COL11A2: variants seen among roughly 807,000 people sequenced by gnomAD.
COL11A2 encodes collagen alpha-2(XI) chain.
In COL11A2, 116 loss-of-function variants were observed where a neutral mutation model predicts 273.4. The observed-to-expected ratio is 0.42, with a 90% CI of 0.36 to 0.49. COL11A2 has a LOEUF of 0.49. Among genes scored for constraint, COL11A2 ranks in the 20% least tolerant of loss-of-function variants. The pLI is 0.00. For synonymous variants in COL11A2, 782 were observed against 864.2 expected (o/e 0.90, Z 1.67); for missense variants, 1,866 against 2,309.0 (o/e 0.81, Z 3.93).
chr6:33,191,147 C>T (rs1400378898), intron 1 of COL11A2, among the ~76,000 whole-genome samples: 1 of 152,206 alleles, frequency 6.6e-6, no homozygotes. Flanking sequence ...TCCCTCTTCC[C>T]CCTAAGAAAG....
At position 33,163,879 on chromosome 6, in the gene COL11A2, C is replaced by G; in HGVS notation, c.5071-61G>C. 1 of 1,612,208 alleles carries G rather than the reference C, an allele frequency of 6.2e-7. No individual in the cohort carries two copies. Among genetic ancestry groups the G allele is most frequent in the South Asian group, 1.1e-5 (1 of 91,038 alleles). On this transcript the variant is annotated intron_variant, in intron 65 of 65. Coordinates refer to ENST00000341947, the MANE Select transcript of COL11A2 (RefSeq NM_080680.3). This position sits in a 1 kb window ranked among gnomAD's most constrained non-coding sequence, Gnocchi z 4.1. ...ATGGAGGCACCCCCCACCCTCTAAC[C>G]TCAGGCCCAGGCTCACCTCTCCTCT...
intron 54 of COL11A2, among the ~76,000 whole-genome samples, chr6:33,168,118 T>C (rs1291130890): frequency 1.3e-5 from 2 of 151,762 alleles, no homozygotes; most frequent in East Asian, 3.9e-4. Flanking sequence ...ACTAAAAAGG[T>C]TCACCCCTGG....
Position 33,173,301 on chromosome 6 carries a change from G to C in COL11A2, c.2736+47C>G. On this transcript the variant is annotated intron_variant, in intron 37 of 65. Coordinates refer to ENST00000341947, the MANE Select transcript of COL11A2 (RefSeq NM_080680.3). This position sits in a 1 kb window ranked among gnomAD's most constrained non-coding sequence, Gnocchi z 6.3. ...TTTCCAGACAGCTCTGGGGTTAAAGGGTCTGATGGAGCCCCCTGAGAATGG... is the reference window on the plus strand; with the variant it reads ...TTTCCAGACAGCTCTGGGGTTAAAGCGTCTGATGGAGCCCCCTGAGAATGG... The C allele has an allele frequency of 6.2e-7, 1 of 1,605,102 alleles. No homozygotes were observed. Among genetic ancestry groups the C allele is most frequent in the Non-Finnish European group, 8.5e-7 (1 of 1,175,850 alleles).
In COL11A2 at chr6:33,174,043, TC is replaced by T. The variant is rs764009462; in HGVS notation, c.2496del (p.Lys833SerfsTer151). 6.2e-7 allele frequency: 1 copy of T among 1,613,762 alleles called. No homozygotes were observed. Among genetic ancestry groups the T allele is most frequent in the Non-Finnish European group, 8.5e-7 (1 of 1,179,940 alleles). On this transcript the variant is annotated frameshift_variant, in exon 33 of 66. Transcript: ENST00000341947. LOFTEE classifies it high-confidence loss of function. ...SGEKGARGLS[G>X]KSGPRGERGP... Reference sequence around the variant, plus strand: ...CCCCGTTCTCCCCGAGGCCCTGACTTCCCCGACAGGCCCTGGTGGGAATGAA... The same window carrying T: ...CCCCGTTCTCCCCGAGGCCCTGACTTCCCGACAGGCCCTGGTGGGAATGAA...
At position 33,173,421 on chromosome 6, in the gene COL11A2, C is replaced by T. The variant is rs1190450177; in HGVS notation, c.2683-20G>A. ...GGGGCCCTGGAAGGGGTTCAGTTGT[C>T]AGGTGAACTCTCAGCTGGAAAGCAG... On this transcript the variant is annotated intron_variant, in intron 36 of 65. Coordinates refer to ENST00000341947, the MANE Select transcript of COL11A2 (RefSeq NM_080680.3). This position sits in a 1 kb window ranked among gnomAD's most constrained non-coding sequence, Gnocchi z 6.3. The T allele has an allele frequency of 1.2e-6, 2 of 1,613,162 alleles. No individual in the cohort carries two copies. Among genetic ancestry groups the T allele is most frequent in the South Asian group, 1.1e-5 (1 of 91,072 alleles).
At chr6:33,180,166 C>T (rs1771531265) in intron 12 of COL11A2, 92 bp downstream of exon 12, 1 of 1,267,422 alleles carries the variant, frequency 7.9e-7, no homozygotes, top group African/African-American at 1.5e-5. Flanking sequence ...AGAGACTCCT[C>T]CATATCTTTC....
chr6:33,191,130 C>A (rs999554888), intron 1 of COL11A2, among the ~76,000 whole-genome samples: 3 of 152,292 alleles, frequency 2.0e-5, no homozygotes, highest in Admixed American at 1.3e-4. Flanking sequence ...GCCTCCATGC[C>A]AGAGGATCCC....
At chr6:33,185,924 A>G in intron 5 of COL11A2, 146 bp from the exon 6 acceptor site, 1 of 386,500 alleles carries the variant, frequency 2.6e-6, no homozygotes, top group Non-Finnish European at 5.2e-6. Context: ...GTTGAAGATG[A>G]AAGGAGAGGT....
At position 33,171,770 on chromosome 6, in the gene COL11A2, C is replaced by A. The variant is rs61738289; in HGVS notation, c.3093G>T (p.Pro1031=). Residue 1031 remains proline (P), a synonymous_variant, in exon 42 of 66, where the codon CCG becomes CCT. Coordinates refer to ENST00000341947, the MANE Select transcript of COL11A2 (RefSeq NM_080680.3). ...GAAGSGGPIG[P]PGRPGPQGPP... ...GACCCTGCGGGCCTGGGCGCCCTGG[C>A]GGACCAATGGGTCCCCCTGATCCTG... 3 of 1,612,874 alleles carry A rather than the reference C, an allele frequency of 1.9e-6. No individual in the cohort carries two copies. Among genetic ancestry groups the A allele is most frequent in the Admixed American group, 3.3e-5 (2 of 60,014 alleles).
chr6:33,186,652 G>A lies in COL11A2; in HGVS notation c.773C>T (p.Pro258Leu). 1 of 1,614,100 alleles carries A rather than the reference G, an allele frequency of 6.2e-7. No individual in the cohort carries two copies. Among genetic ancestry groups the A allele is most frequent in the Non-Finnish European group, 8.5e-7 (1 of 1,180,010 alleles). Residue 258 changes from proline to leucine, a missense_variant, in exon 5 of 66, where the codon CCA becomes CTA. Pro to Leu is a moderately conservative substitution (Grantham distance 98). Coordinates refer to ENST00000341947, the MANE Select transcript of COL11A2 (RefSeq NM_080680.3). ...PQQQPSRLHR[P>L]QNQEPQSQPT... The stretch of plus-strand genomic sequence containing the variant: ...CTGGCTCTGGGGTTCCTGATTTTGT[G>A]GCCTGTGAAGTCTTGATGGTTGCTG...
rs1772066204 is a variant in COL11A2 at position 33,184,129 on chromosome 6, AG to A, written c.1119+15del. On this transcript the variant is annotated intron_variant, in intron 8 of 65. Transcript: ENST00000341947. ...CACTGGTAGTCAAGAATGAAAGAGA[AG>A]CTCCTTTCACTTACGGCTCCTGAGT... 1 of 1,366,572 alleles carries A rather than the reference AG, an allele frequency of 7.3e-7. No individual in the cohort carries two copies. Among genetic ancestry groups the A allele is most frequent in the African/African-American group, 1.5e-5 (1 of 67,748 alleles). 84.7% of individuals were successfully genotyped at this position (1,366,572 alleles called of 1,614,324 possible).
In COL11A2 at chr6:33,164,769, C is replaced by T; in HGVS notation, c.4863+83G>A. 1 of 1,244,684 alleles carries T rather than the reference C, an allele frequency of 8.0e-7. No homozygotes were observed. Among genetic ancestry groups the T allele is most frequent in the Non-Finnish European group, 1.1e-6 (1 of 874,972 alleles). 77.1% of individuals were successfully genotyped at this position (1,244,684 alleles called of 1,614,324 possible). ...TCCGGGGGGGGCAACAGCCAGGGGA[C>T]TGTCACCAAAACCCAGAAACCACTA... On this transcript the variant is annotated intron_variant, in intron 64 of 65. Coordinates refer to ENST00000341947, the MANE Select transcript of COL11A2 (RefSeq NM_080680.3). The surrounding 1 kb of genome is among the most constrained non-coding windows in gnomAD (Gnocchi z 4.7).
chr6:33,185,801 G>A (rs370651752), intron 5 of COL11A2, 23 bp from the exon 6 acceptor site: 1 of 931,850 alleles, frequency 1.1e-6, no homozygotes, highest in Non-Finnish European at 1.6e-6. Flanking sequence ...GGTGGGCATA[G>A]ACAGGAAGGG....
chr6:33,189,317 T>C lies in COL11A2; in HGVS notation c.232+3A>G, dbSNP rs777699755. On this transcript the variant is annotated splice_donor_region_variant and intron_variant, in intron 2 of 65. Transcript: ENST00000341947. This position sits in a 1 kb window ranked among gnomAD's most constrained non-coding sequence, Gnocchi z 5.6. ...CAGGCCTACCCCACCATGTCACCCA[T>C]ACCTGGGAAAAGCTGGCGAGTGGGT... The C allele has an allele frequency of 1.9e-6, 3 of 1,613,708 alleles. No individual in the cohort carries two copies. Among genetic ancestry groups the C allele is most frequent in the Non-Finnish European group, 2.5e-6 (3 of 1,180,000 alleles).
Position 33,170,777 on chromosome 6 carries a change from A to C in COL11A2, c.3474+33T>G. ...CAAAACATCACCCCATCCTGACCCCACCTCTCAGCCCCTGTCCTATCCCCC... is the reference window on the plus strand; with the variant it reads ...CAAAACATCACCCCATCCTGACCCCCCCTCTCAGCCCCTGTCCTATCCCCC... On this transcript the variant is annotated intron_variant, in intron 46 of 65. Coordinates refer to ENST00000341947, the MANE Select transcript of COL11A2 (RefSeq NM_080680.3). The surrounding 1 kb of genome is among the most constrained non-coding windows in gnomAD (Gnocchi z 4.3). 1 of 1,605,734 alleles carries C rather than the reference A, an allele frequency of 6.2e-7. No individual in the cohort carries two copies. Among genetic ancestry groups the C allele is most frequent in the East Asian group, 2.2e-5 (1 of 44,676 alleles).
intron 1 of COL11A2, among the ~76,000 whole-genome samples, chr6:33,191,304 A>T (rs1171567399): frequency 6.6e-6 from 1 of 152,254 alleles, no homozygotes; most frequent in Non-Finnish European, 1.5e-5. Flanking sequence ...GCAGAGAAGA[A>T]TTGAATAGTC....
chr6:33,172,938 T>C lies in COL11A2; in HGVS notation c.2790+122A>G, dbSNP rs561392751. On this transcript the variant is annotated intron_variant, in intron 38 of 65. Transcript: ENST00000341947. ...CTGCCTGAAATCCCAGCCCCCACCATTGACCCCAGCCCCAGGAGTCTGGGT... is the reference window on the plus strand; with the variant it reads ...CTGCCTGAAATCCCAGCCCCCACCACTGACCCCAGCCCCAGGAGTCTGGGT... 3.1e-5 allele frequency: 34 copies of C among 1,094,250 alleles called. 3 individuals are homozygous for C. In the South Asian group the frequency reaches 3.4e-4, roughly 11 times the overall value. The allele number at this position is 1,094,250 out of a possible 1,614,324, so 67.8% of individuals were successfully genotyped here.
Position 33,169,252 on chromosome 6 carries a change from C to T in COL11A2, c.3798+131G>A. 1.2e-6 allele frequency: 1 copy of T among 868,028 alleles called. No individual in the cohort carries two copies. Among genetic ancestry groups the T allele is most frequent in the Non-Finnish European group, 1.8e-6 (1 of 543,288 alleles). 53.8% of individuals were successfully genotyped at this position (868,028 alleles called of 1,614,324 possible). A position where few individuals can be genotyped will look rare whatever the true frequency, so the allele number is the denominator to read the frequency against. On this transcript the variant is annotated intron_variant, in intron 51 of 65. Coordinates refer to ENST00000341947, the MANE Select transcript of COL11A2 (RefSeq NM_080680.3). This position sits in a 1 kb window ranked among gnomAD's most constrained non-coding sequence, Gnocchi z 5.5. ...AGACCCCAGGCATCCCTCTGGATGCCCCATTCCCAGAGCATCCCCCAAACT... is the reference window on the plus strand; with the variant it reads ...AGACCCCAGGCATCCCTCTGGATGCTCCATTCCCAGAGCATCCCCCAAACT...
chr6:33,177,973 G>A lies in COL11A2; in HGVS notation c.1872+159C>T, dbSNP rs1427162143. On this transcript the variant is annotated intron_variant, in intron 21 of 65. Transcript: ENST00000341947. The surrounding 1 kb of genome is among the most constrained non-coding windows in gnomAD (Gnocchi z 5.9). Reference sequence around the variant, plus strand: ...ATGGCCCTCCCTGTGCACGGGGAGCGAATGCTGAGGCAGGGCAGTGTGGGG... The same window carrying A: ...ATGGCCCTCCCTGTGCACGGGGAGCAAATGCTGAGGCAGGGCAGTGTGGGG... The A allele has an allele frequency of 5.8e-6, 5 of 858,460 alleles. No homozygotes were observed. Among genetic ancestry groups the A allele is most frequent in the African/African-American group, 3.4e-5 (2 of 59,388 alleles). The allele number at this position is 858,460 out of a possible 1,614,324, so 53.2% of individuals were successfully genotyped here.
Sources: allele counts gnomAD v4.1 joint callset (sites outside exome capture counted in the v4.1 genomes callset), GRCh38; gene constraint gnomAD v4.1.1; non-coding constraint Gnocchi (gnomAD v3.1); transcripts MANE v1.5; gene names NCBI Gene and HGNC (gene_info 2026-07-23, HGNC 2026-07-21).